The following CNKSR3 variants were observed in gnomAD, a reference collection of about 807,000 sequenced individuals.
CNKSR3 encodes the protein CNKSR family member 3.
CNKSR3 carries 36 observed loss-of-function variants against 67.7 expected under a neutral mutation model. That is an observed-to-expected ratio of 0.53 (90% CI 0.41 to 0.70). CNKSR3 has a LOEUF of 0.70. CNKSR3 is among the 30% of genes least tolerant of loss of function. CNKSR3 has a pLI of 0.00. For missense variants in CNKSR3, 630 were observed against 695.2 expected, an observed-to-expected ratio of 0.91 and a Z score of 1.05; for synonymous variants, 281 against 271.4, an observed-to-expected ratio of 1.04 and a Z score of -0.35.
chr6:154,407,892 A>C (rs1784834726), intron 12 of CNKSR3, among the ~76,000 whole-genome samples: 1 of 151,004 alleles, frequency 6.6e-6, no homozygotes, highest in Admixed American at 6.6e-5. Flanking sequence ...AAAAAAAAAA[A>C]AAACCTAAAT....
At position 154,405,274 on chromosome 6, in the gene CNKSR3, CAG is replaced by C. The variant is rs1165516771; in HGVS notation, c.*1078_*1079del. The C allele has an allele frequency of 6.6e-6, 1 of 152,588 alleles. No homozygotes were observed. Among genetic ancestry groups the C allele is most frequent in the Non-Finnish European group, 1.5e-5 (1 of 68,034 alleles). 9.5% of individuals were successfully genotyped at this position (152,588 alleles called of 1,614,324 possible). Reference sequence around the variant, plus strand: ...CACTAGCTTCGTGTATGACGCAAAACAGAAATATTTCAATTACAGGTGACTAA... The same window carrying C: ...CACTAGCTTCGTGTATGACGCAAAACAAATATTTCAATTACAGGTGACTAA... On this transcript the variant is annotated 3_prime_UTR_variant, in exon 13 of 13. Transcript: ENST00000607772.
Position 154,442,135 on chromosome 6 carries a change from C to T in CNKSR3, c.372G>A (p.Val124=). Residue 124 remains valine, a synonymous_variant, in exon 3 of 13, where the codon GTG becomes GTA. Transcript: ENST00000607772. ...CCTTGGCGGCGCCGATGAGCTCCAC[C>T]ACCGAGGTCAGGAACTCATTGGGGG... ...RKAPNEFLTS[V]VELIGAAKAL... is the part of the protein sequence containing the mutation. The T allele has an allele frequency of 6.2e-7, 1 of 1,613,564 alleles. No individual in the cohort carries two copies. The highest frequency in any genetic ancestry group is 8.5e-7 in the Non-Finnish European group (1 of 1,179,462).
chr6:154,439,993 C>T (rs139628768), intron 4 of CNKSR3, among the ~76,000 whole-genome samples: 2 of 152,202 alleles, frequency 1.3e-5, no homozygotes, highest in African/African-American at 2.4e-5. Context: ...ATGCCTTCAA[C>T]CACAAATGCC....
chr6:154,489,981 C>T (rs772639891), intron 1 of CNKSR3, among the ~76,000 whole-genome samples: 3 of 152,170 alleles, frequency 2.0e-5, no homozygotes, highest in Non-Finnish European at 4.4e-5. Context: ...CCTTCCCCCA[C>T]CCCAGTCTCC....
intron 7 of CNKSR3, among the ~76,000 whole-genome samples, chr6:154,424,963 G>A (rs1265102028): frequency 1.3e-5 from 2 of 152,130 alleles, no homozygotes; most frequent in Non-Finnish European, 2.9e-5. Context: ...GCAGAGATGG[G>A]GTTTCACCAT....
intron 1 of CNKSR3, among the ~76,000 whole-genome samples, chr6:154,453,648 C>G (rs1353945880): frequency 6.6e-6 from 1 of 152,232 alleles, no homozygotes; most frequent in Admixed American, 6.5e-5. Flanking sequence ...TTTTATTATT[C>G]CAATACATTA....
intron 3 of CNKSR3, 113 bp downstream of exon 3, chr6:154,441,974 TA>T: frequency 3.9e-6 from 4 of 1,013,054 alleles, no homozygotes; most frequent in South Asian, 1.9e-5. Context: ...TAAGAGCCGG[TA>T]AAAATGATAT....
intron 9 of CNKSR3, among the ~76,000 whole-genome samples, chr6:154,415,097 C>CA (rs1157415390): frequency 0.068 from 2,225 of 32,846 alleles, 159 homozygotes; most frequent in East Asian, 0.12. Flanking sequence ...GACTCTGTCT[C>CA]AAAAAAAAAA....
chr6:154,508,112 T>C (rs1787139735), intron 1 of CNKSR3, among the ~76,000 whole-genome samples: 1 of 152,234 alleles, frequency 6.6e-6, no homozygotes, highest in African/African-American at 2.4e-5. Flanking sequence ...TGTAACCCTT[T>C]CTTTCTGCTA....
At chr6:154,445,487 A>G (rs566574073) in intron 2 of CNKSR3, among the ~76,000 whole-genome samples, 1 of 152,346 alleles carries the variant, frequency 6.6e-6, no homozygotes, top group African/African-American at 2.4e-5. Context: ...AGGTCCCCTC[A>G]TTCGGTCACT....
chr6:154,471,258 T>G (rs9479871), intron 1 of CNKSR3, among the ~76,000 whole-genome samples: 33,852 of 152,172 alleles, frequency 0.22, 5,089 homozygotes, highest in African/African-American at 0.43. Context: ...AAATATGTGT[T>G]GCTTGCCATA....
At chr6:154,453,000 A>G (rs568027598) in intron 1 of CNKSR3, among the ~76,000 whole-genome samples, 1 of 152,234 alleles carries the variant, frequency 6.6e-6, no homozygotes, top group Admixed American at 6.5e-5. Context: ...AAATACAATA[A>G]CATTTCCTTT....
intron 3 of CNKSR3, 24 bp downstream of exon 3, chr6:154,442,064 G>A (rs1415936745): frequency 1.3e-6 from 2 of 1,578,794 alleles, no homozygotes; most frequent in East Asian, 4.5e-5. Context: ...TTGCAGGGCA[G>A]TAAAAGGCAC....
At chr6:154,492,926 C>T (rs1324567327) in intron 1 of CNKSR3, among the ~76,000 whole-genome samples, 3 of 152,106 alleles carry the variant, frequency 2.0e-5, no homozygotes, top group Admixed American at 6.6e-5. Flanking sequence ...TCAGAATACC[C>T]GGAACCTGGC....
intron 1 of CNKSR3, among the ~76,000 whole-genome samples, chr6:154,508,371 C>A (rs1787144684): frequency 6.6e-6 from 1 of 152,078 alleles, no homozygotes; most frequent in Non-Finnish European, 1.5e-5. Flanking sequence ...AGACTTACAG[C>A]ACATTGCAAT....
In CNKSR3 at chr6:154,430,252, C is replaced by T. The variant is rs529715475; in HGVS notation, c.669+220G>A. On this transcript the variant is annotated intron_variant, in intron 6 of 12. Coordinates refer to ENST00000607772, the MANE Select transcript of CNKSR3 (RefSeq NM_173515.4). ...AAAATAAAGTGTTATCTTCAAAATACGAGTATACAGTTTTTAAACTGTATT... is the reference window on the plus strand; with the variant it reads ...AAAATAAAGTGTTATCTTCAAAATATGAGTATACAGTTTTTAAACTGTATT... Among the ~76,000 whole-genome samples, 105 of 152,176 alleles carry T rather than the reference C, an allele frequency of 6.9e-4. 1 individual carries two copies. The highest frequency in any genetic ancestry group is 2.7e-3 in the South Asian group (13 of 4,822).
intron 1 of CNKSR3, among the ~76,000 whole-genome samples, chr6:154,478,852 T>A (rs80237515): frequency 0.019 from 2,946 of 152,312 alleles, 40 homozygotes; most frequent in Non-Finnish European, 0.029. Context: ...AACATTATGC[T>A]GTGAAGGAAG....
chr6:154,411,048 C>G lies in CNKSR3; in HGVS notation c.1165G>C (p.Asp389His), dbSNP rs1434362626. Residue 389 changes from aspartate to histidine, a missense_variant, in exon 11 of 13, where the codon GAC (aspartate) becomes CAC (histidine). By Grantham distance (81) the Asp-to-His change is moderately conservative (BLOSUM62 -1). Coordinates refer to ENST00000607772, the MANE Select transcript of CNKSR3 (RefSeq NM_173515.4). ...KGSESPNSFL[D>H]QESRRRRFTI... ...AATCTTCGTCTCCGGCTTTCCTGGT[C>G]CAAGAAGGAATTCGGGGACTCTGAA... The G allele has an allele frequency of 6.2e-7, 1 of 1,613,956 alleles. No homozygotes were observed. The highest frequency in any genetic ancestry group is 8.5e-7 in the Non-Finnish European group (1 of 1,180,018).
At chr6:154,493,200 T>G (rs961521994) in intron 1 of CNKSR3, among the ~76,000 whole-genome samples, 1 of 152,126 alleles carries the variant, frequency 6.6e-6, no homozygotes, top group African/African-American at 2.4e-5. Context: ...GCTGTTCCCT[T>G]TGTCAAGAAC....
Sources: gnomAD v4.1 joint callset for allele counts (sites outside exome capture counted in the v4.1 genomes callset) on GRCh38, gnomAD v4.1.1 for gene constraint, MANE v1.5 for transcripts, NCBI Gene and HGNC (gene_info 2026-07-23, HGNC 2026-07-21) for gene names.